GRB10: variants seen among roughly 807,000 people sequenced by gnomAD.
GRB10 encodes growth factor receptor-bound protein 10.
Under a neutral mutation model 80.9 loss-of-function variants are expected in GRB10, and 20 were observed. That is an observed-to-expected ratio of 0.25 (90% confidence interval 0.17 to 0.36). The LOEUF (loss-of-function observed/expected upper bound fraction) is 0.36. Among genes scored for constraint, GRB10 ranks in the 10% least tolerant of loss-of-function variants. The pLI, the probability that GRB10 is intolerant of heterozygous loss-of-function variation, is 1.00. For synonymous variants in GRB10, 291 were observed against 291.5 expected (o/e 1.00, Z 0.02); for missense variants, 548 against 747.7 (o/e 0.73, Z 3.12).
chr7:50,744,235 G>A (rs767553173), intron 3 of GRB10, among the ~76,000 whole-genome samples: 27 of 152,268 alleles, frequency 1.8e-4, no homozygotes, highest in East Asian at 3.9e-4. Context: ...AAAAGAAACC[G>A]CGTAGAACCA....
At chr7:50,709,482 C>T (rs933217629) in intron 4 of GRB10, among the ~76,000 whole-genome samples, 1 of 152,156 alleles carries the variant, frequency 6.6e-6, no homozygotes, top group African/African-American at 2.4e-5. Context: ...GCCCCCTGGC[C>T]TCACTCCCTC....
chr7:50,666,356 T>C (rs1443626141), intron 7 of GRB10, among the ~76,000 whole-genome samples: 1 of 152,088 alleles, frequency 6.6e-6, no homozygotes, highest in Non-Finnish European at 1.5e-5. Context: ...GGAGGCGGCA[T>C]TGGAGGAATC....
At chr7:50,672,428 C>A (rs2060464582) in intron 6 of GRB10, among the ~76,000 whole-genome samples, 1 of 152,220 alleles carries the variant, frequency 6.6e-6, no homozygotes, top group Admixed American at 6.5e-5. Context: ...AATGGCCTCA[C>A]TTCACAAAAT....
At chr7:50,646,358 A>G (rs2057191039) in intron 7 of GRB10, among the ~76,000 whole-genome samples, 1 of 152,166 alleles carries the variant, frequency 6.6e-6, no homozygotes, top group Admixed American at 6.5e-5. Flanking sequence ...GGAAATCACA[A>G]CAATGCACAT....
chr7:50,613,755 A>G (rs2050011741), intron 12 of GRB10, among the ~76,000 whole-genome samples: 5 of 152,184 alleles, frequency 3.3e-5, no homozygotes, highest in Admixed American at 3.3e-4. Context: ...TTGGGCCTCT[A>G]GCTGGTGTGA....
At chr7:50,747,801 G>C (rs1406726208) in intron 3 of GRB10, 1 of 152,462 alleles carries the variant, frequency 6.6e-6, no homozygotes, top group Non-Finnish European at 1.5e-5. Context: ...TGAAAGAAAA[G>C]CGGAGTGGAG....
chr7:50,701,208 TA>T (rs1367454001), intron 5 of GRB10, among the ~76,000 whole-genome samples: 1 of 152,240 alleles, frequency 6.6e-6, no homozygotes, highest in Non-Finnish European at 1.5e-5. Context: ...CTAATATTTT[TA>T]AATACACAAT....
intron 7 of GRB10, among the ~76,000 whole-genome samples, chr7:50,655,317 T>C (rs2058536297): frequency 6.6e-6 from 1 of 152,156 alleles, no homozygotes; most frequent in Non-Finnish European, 1.5e-5. Context: ...TATTTTCCCC[T>C]GGCCCTTCAT....
Position 50,674,638 on chromosome 7 carries a change from C to T in GRB10, c.160G>A (p.Ala54Thr). The change falls in exon 6 of 19, where the codon GCC (alanine) becomes ACC (threonine). Residue 54 changes from alanine (A) to threonine (T), a missense_variant. Transcript: ENST00000401949. Reference sequence around the variant, plus strand: ...GATGCATTCATATCGTTCACCAGGGCTTCCAGGTCCACATCATCCTCTGCA... The same window carrying T: ...GATGCATTCATATCGTTCACCAGGGTTTCCAGGTCCACATCATCCTCTGCA... ...NHQEDDVDLE[A>T]LVNDMNASLE... is the part of the protein sequence containing the mutation. 1 of 1,613,818 alleles carries T rather than the reference C, an allele frequency of 6.2e-7. No individual in the cohort carries two copies. Among genetic ancestry groups the T allele is most frequent in the Non-Finnish European group, 8.5e-7 (1 of 1,179,994 alleles).
intron 1 of GRB10, among the ~76,000 whole-genome samples, chr7:50,791,189 A>AT (rs2078900227): frequency 6.6e-6 from 1 of 152,230 alleles, no homozygotes; most frequent in Non-Finnish European, 1.5e-5. Context: ...TACAGTAAAC[A>AT]TAACTACCAC....
intron 7 of GRB10, among the ~76,000 whole-genome samples, chr7:50,653,286 G>C (rs919392479): frequency 6.6e-6 from 1 of 152,204 alleles, no homozygotes; most frequent in Non-Finnish European, 1.5e-5. Flanking sequence ...AGCAGGAAGA[G>C]TCTGTGCTGT....
intron 5 of GRB10, among the ~76,000 whole-genome samples, chr7:50,678,097 C>T (rs2237478): frequency 0.23 from 34,714 of 152,160 alleles, 4,406 homozygotes; most frequent in East Asian, 0.51. Context: ...AAGCAGCCCC[C>T]GGGGTCTCCT....
At chr7:50,679,523 T>A (rs1449409265) in intron 5 of GRB10, among the ~76,000 whole-genome samples, 1 of 152,192 alleles carries the variant, frequency 6.6e-6, no homozygotes, top group South Asian at 2.1e-4. Context: ...TTTGGCAACA[T>A]AAGGACATGT....
intron 5 of GRB10, among the ~76,000 whole-genome samples, chr7:50,677,502 A>G (rs1273052470): frequency 1.3e-5 from 2 of 152,168 alleles, no homozygotes; most frequent in East Asian, 3.9e-4. Flanking sequence ...TGCCAAAGAC[A>G]AGACCTCAGT....
chr7:50,658,081 C>T (rs1209172160), intron 7 of GRB10, among the ~76,000 whole-genome samples: 3 of 152,214 alleles, frequency 2.0e-5, no homozygotes, highest in Non-Finnish European at 4.4e-5. Context: ...TAACACTTCT[C>T]GACTGTAAAC....
intron 4 of GRB10, among the ~76,000 whole-genome samples, chr7:50,717,698 A>T (rs777016773): frequency 2.7e-4 from 41 of 152,240 alleles, no homozygotes; most frequent in Non-Finnish European, 4.6e-4. Flanking sequence ...ATCTGAAGAC[A>T]GCGTATCTTC....
chr7:50,760,505 A>G (rs1267768428), intron 2 of GRB10, among the ~76,000 whole-genome samples: 1 of 152,246 alleles, frequency 6.6e-6, no homozygotes, highest in Non-Finnish European at 1.5e-5. Context: ...TCTAAATTCA[A>G]GCAGTTTTTT....
At chr7:50,670,907 C>T (rs1323014630) in intron 6 of GRB10, among the ~76,000 whole-genome samples, 1 of 152,224 alleles carries the variant, frequency 6.6e-6, no homozygotes, top group African/African-American at 2.4e-5. Flanking sequence ...TGAATCCACA[C>T]ACCACCTCTA....
chr7:50,759,030 T>A (rs1166681575), intron 2 of GRB10, among the ~76,000 whole-genome samples: 1 of 151,500 alleles, frequency 6.6e-6, no homozygotes, highest in Admixed American at 6.6e-5. Flanking sequence ...CAAATAAAAA[T>A]CTTCTTTTAA....
Sources: gnomAD v4.1 joint callset for allele counts (sites outside exome capture counted in the v4.1 genomes callset) on GRCh38, gnomAD v4.1.1 for gene constraint, MANE v1.5 for transcripts, NCBI Gene and HGNC (gene_info 2026-07-23, HGNC 2026-07-21) for gene names.